The following NFASC variants were observed in gnomAD, a reference collection of about 807,000 sequenced individuals.
NFASC encodes neurofascin.
A neutral mutation model predicts 147.5 loss-of-function variants in NFASC; 43 were observed. That is an observed-to-expected ratio of 0.29 (90% confidence interval 0.23 to 0.38). NFASC has a LOEUF of 0.38. Among genes scored for constraint, NFASC ranks in the 10% least tolerant of loss-of-function variants. The pLI is 1.00. For missense variants in NFASC, 1,320 were observed against 1,689.0 expected (o/e 0.78, Z 3.83); for synonymous variants, 622 against 665.5 (o/e 0.93, Z 1.01).
chr1:204,997,555 C>G, intron 25 of NFASC, 149 bp downstream of exon 25: 1 of 902,660 alleles, frequency 1.1e-6, no homozygotes. Context: ...GAAACTCACC[C>G]GTGACTGGAT....
chr1:204,928,196 C>T (rs2091933653), intron 2 of NFASC, among the ~76,000 whole-genome samples: 1 of 152,180 alleles, frequency 6.6e-6, no homozygotes, highest in African/African-American at 2.4e-5. Context: ...TTAAGCCAGC[C>T]CTTCACAGGG....
chr1:204,990,477 C>G (rs2095702468), intron 23 of NFASC: 1 of 151,200 alleles, frequency 6.6e-6, no homozygotes, highest in East Asian at 1.9e-4. Flanking sequence ...TTCTGCAGCC[C>G]CAGGGGACAA....
In NFASC at chr1:204,954,517, C is replaced by T; in HGVS notation, c.412+133C>T. On this transcript the variant is annotated intron_variant, in intron 6 of 29. Coordinates refer to ENST00000339876, the MANE Select transcript of NFASC (RefSeq NM_001005388.3). The surrounding 1 kb of genome is among the most constrained non-coding windows in gnomAD (Gnocchi z 5.7). ...GCCTTGGTGTTCTCTATGCATCTTC[C>T]CCACCTCAGAATGATTCCCTGGAAA... 1.3e-6 allele frequency: 1 copy of T among 799,088 alleles called. No homozygotes were observed. Among genetic ancestry groups the T allele is most frequent in the Non-Finnish European group, 2.0e-6 (1 of 511,800 alleles). The allele number at this position is 799,088 out of a possible 1,614,324, so 49.5% of individuals were successfully genotyped here. A position where few individuals can be genotyped will look rare whatever the true frequency, so the allele number is the denominator to read the frequency against.
In NFASC at chr1:205,001,161, G is replaced by A. The variant is rs769331047; in HGVS notation, c.3020-9G>A. ...TCATCACTAACCCCTTTTCTAACCC[G>A]TCCACCAGCCCCTGATGAGCAGTCC... On this transcript the variant is annotated splice_polypyrimidine_tract_variant and intron_variant, in intron 25 of 29. Transcript: ENST00000339876. 2.1e-5 allele frequency: 33 copies of A among 1,565,414 alleles called. No homozygotes were observed. The highest frequency in any genetic ancestry group is 4.6e-5 in the South Asian group (4 of 87,634).
Position 204,954,105 on chromosome 1 carries a change from C to A in NFASC, c.216-83C>A. 7.7e-7 allele frequency: 1 copy of A among 1,295,054 alleles called. No homozygotes were observed. The allele number at this position is 1,295,054 out of a possible 1,614,324, so 80.2% of individuals were successfully genotyped here. A position where few individuals can be genotyped will look rare whatever the true frequency, so the allele number is the denominator to read the frequency against. ...GAGAGAGGGAATTTTGGTACTGAGC[C>A]AGGGACTAGGGATCTGAGATCTGCC... On this transcript the variant is annotated intron_variant, in intron 5 of 29. Transcript: ENST00000339876. This position sits in a 1 kb window ranked among gnomAD's most constrained non-coding sequence, Gnocchi z 5.7.
intron 10 of NFASC, among the ~76,000 whole-genome samples, chr1:204,970,074 C>CAAAAAA (rs11307141): frequency 2.8e-4 from 18 of 65,452 alleles, no homozygotes; most frequent in Non-Finnish European, 3.0e-4. Context: ...GACTCCATCT[C>CAAAAAA]AAAAAAAAAA....
At chr1:204,971,332 T>A (rs2095248940) in intron 11 of NFASC, among the ~76,000 whole-genome samples, 1 of 152,190 alleles carries the variant, frequency 6.6e-6, no homozygotes, top group South Asian at 2.1e-4. Context: ...AGTAGATGAC[T>A]CCAAGACCCC....
intron 1 of NFASC, among the ~76,000 whole-genome samples, chr1:204,888,769 A>AAG (rs2081826467): frequency 6.6e-6 from 1 of 152,248 alleles, no homozygotes; most frequent in Admixed American, 6.5e-5. Flanking sequence ...TGAGTATGAC[A>AAG]AGATGGCAAG....
At chr1:204,876,875 T>A (rs1267483334) in intron 1 of NFASC, among the ~76,000 whole-genome samples, 1 of 151,054 alleles carries the variant, frequency 6.6e-6, no homozygotes, top group Admixed American at 6.6e-5. Context: ...CTTTGTTTTT[T>A]ATAAAGATTT....
chr1:204,867,116 G>A (rs2077170972), intron 1 of NFASC, among the ~76,000 whole-genome samples: 1 of 152,140 alleles, frequency 6.6e-6, no homozygotes, highest in Non-Finnish European at 1.5e-5. Flanking sequence ...TGCTGACAAG[G>A]GGGGACCCCT....
rs187536518 is a variant in NFASC at position 204,919,155 on chromosome 1, G to C, written c.-199-1477G>C. Among the ~76,000 whole-genome samples the C allele has an allele frequency of 2.0e-5, 3 of 152,222 alleles. No homozygotes were observed. The East Asian group carries it at 5.8e-4, about 29-fold the overall frequency. On this transcript the variant is annotated intron_variant, in intron 1 of 29. Coordinates refer to ENST00000339876, the MANE Select transcript of NFASC (RefSeq NM_001005388.3). ...TTTTCATGCCTCAGCCTCCCAAGTAGCTGGGATTACAGGTGTAAGCCACAA... is the reference window on the plus strand; with the variant it reads ...TTTTCATGCCTCAGCCTCCCAAGTACCTGGGATTACAGGTGTAAGCCACAA...
At chr1:205,001,517 GGATTGCAT>G (rs1451859411) in intron 26 of NFASC, among the ~76,000 whole-genome samples, 1 of 152,146 alleles carries the variant, frequency 6.6e-6, no homozygotes, top group African/African-American at 2.4e-5. Context: ...TGGAAGTCTA[GGATTGCAT>G]GTCTGTGGAG....
intron 1 of NFASC, among the ~76,000 whole-genome samples, chr1:204,834,907 T>G (rs1243457091): frequency 6.6e-6 from 1 of 152,054 alleles, no homozygotes; most frequent in African/African-American, 2.4e-5. Context: ...ACCCAGCCCC[T>G]CGTACTTAGC....
chr1:204,925,944 A>G (rs772993861), intron 2 of NFASC, among the ~76,000 whole-genome samples: 2 of 152,158 alleles, frequency 1.3e-5, no homozygotes, highest in Non-Finnish European at 2.9e-5. Context: ...AGTCGCACAG[A>G]TATCTCTTGG....
chr1:205,008,314 G>A (rs544152387), intron 27 of NFASC: 73 of 152,706 alleles, frequency 4.8e-4, no homozygotes, highest in Middle Eastern at 6.8e-3. Context: ...CTGAAGACCT[G>A]GGGGCGCAGG....
chr1:204,863,007 G>A (rs893041731), intron 1 of NFASC, among the ~76,000 whole-genome samples: 5 of 152,258 alleles, frequency 3.3e-5, no homozygotes, highest in African/African-American at 7.2e-5. Flanking sequence ...TTTCCTCCTC[G>A]TTCAAAAACT....
chr1:204,965,329 G>A (rs756607833), intron 8 of NFASC, among the ~76,000 whole-genome samples: 3 of 152,138 alleles, frequency 2.0e-5, no homozygotes, highest in Non-Finnish European at 4.4e-5. Flanking sequence ...TCCAGGGAAG[G>A]AAATTAGGCA....
intron 1 of NFASC, among the ~76,000 whole-genome samples, chr1:204,877,269 A>G (rs1289926249): frequency 6.6e-6 from 1 of 151,644 alleles, no homozygotes; most frequent in African/African-American, 2.4e-5. Context: ...GAGACTTAAC[A>G]TTTAAACGCA....
At chr1:204,868,937 G>A (rs1216349628) in intron 1 of NFASC, among the ~76,000 whole-genome samples, 1 of 152,166 alleles carries the variant, frequency 6.6e-6, no homozygotes, top group Non-Finnish European at 1.5e-5. Context: ...CCTCTTCCGG[G>A]GCAGAACTTT....
Sources: allele counts gnomAD v4.1 joint callset (sites outside exome capture counted in the v4.1 genomes callset), GRCh38; gene constraint gnomAD v4.1.1; non-coding constraint Gnocchi (gnomAD v3.1); transcripts MANE v1.5; gene names NCBI Gene and HGNC (gene_info 2026-07-23, HGNC 2026-07-21).